ANXA11: variants seen among roughly 807,000 people sequenced by gnomAD.
ANXA11 encodes 56 kDa autoantigen.
In ANXA11, 57 loss-of-function variants were observed where a neutral mutation model predicts 64.7. The observed-to-expected ratio is 0.88, with a 90% CI of 0.71 to 1.10. The LOEUF is 1.10. ANXA11 is among the 50% of genes least tolerant of loss of function. The probability of loss-of-function intolerance (pLI) is 0.00; values close to 1 mark genes in which losing one functional copy is unlikely to be tolerated. For missense variants in ANXA11, 675 were observed against 670.7 expected, an observed-to-expected ratio of 1.01 and a Z score of -0.07; for synonymous variants, 260 against 265.2, an observed-to-expected ratio of 0.98 and a Z score of 0.19.
At chr10:80,164,569 A>T (rs988003573) in intron 8 of ANXA11, among the ~76,000 whole-genome samples, 4 of 152,222 alleles carry the variant, frequency 2.6e-5, no homozygotes, top group Non-Finnish European at 5.9e-5. Context: ...CTGGTCCTAG[A>T]GGGGATGGTG....
intron 1 of ANXA11, among the ~76,000 whole-genome samples, chr10:80,199,694 T>C (rs1041587144): frequency 3.3e-5 from 5 of 152,084 alleles, no homozygotes; most frequent in African/African-American, 1.2e-4. Flanking sequence ...TGAAAAAATA[T>C]GTAAAATTTA....
At chr10:80,157,457 GATCC>G (rs1564597297) in intron 15 of ANXA11, 180 bp downstream of exon 15, 1 of 985,286 alleles carries the variant, frequency 1.0e-6, no homozygotes, top group Non-Finnish European at 1.2e-6. Context: ...GCAAGGTCAT[GATCC>G]ACCTGCCCTC....
rs76806315 is a variant in ANXA11, at chr10:80,163,601, G to T, written c.962C>A (p.Thr321Asn). 475 of 1,554,962 alleles carry T rather than the reference G, an allele frequency of 3.1e-4. 3 individuals are homozygous for T. The East Asian group carries it at 6.0e-3, about 20-fold the overall frequency. Reference sequence around the variant, plus strand: ...GTCGCTTCGAATGGCCTCTTCCAGGGTCTTTTTGAATTCTGAAAGGGAGAA... The same window carrying T: ...GTCGCTTCGAATGGCCTCTTCCAGGTTCTTTTTGAATTCTGAAAGGGAGAA... ...NRAYKAEFKK[T>N]LEEAIRSDTS... Residue 321 changes from threonine (T) to asparagine (N), a missense_variant, in exon 10 of 16, where the codon ACC becomes AAC. Physicochemically the swap from Thr to Asn is moderately conservative, Grantham distance 65. Transcript: ENST00000422982.
chr10:80,176,864 G>C (rs1305440223), intron 1 of ANXA11, among the ~76,000 whole-genome samples: 1 of 152,104 alleles, frequency 6.6e-6, no homozygotes, highest in Non-Finnish European at 1.5e-5. Flanking sequence ...GTGGTCCTGC[G>C]ACCCTGGGTC....
intron 13 of ANXA11, among the ~76,000 whole-genome samples, chr10:80,158,566 A>C (rs1199158639): frequency 6.6e-6 from 1 of 152,168 alleles, no homozygotes; most frequent in Admixed American, 6.5e-5. Flanking sequence ...AAGTGAGTAG[A>C]AAGAGGGGTT....
chr10:80,166,048 A>ACG (rs752511424), intron 8 of ANXA11, 36 bp downstream of exon 8: 51 of 375,186 alleles, frequency 1.4e-4, no homozygotes, highest in African/African-American at 9.5e-4. Flanking sequence ...GCGCGCACAC[A>ACG]CACACACACA....
intron 1 of ANXA11, among the ~76,000 whole-genome samples, chr10:80,183,931 T>G (rs999553683): frequency 1.3e-5 from 2 of 152,188 alleles, no homozygotes; most frequent in African/African-American, 4.8e-5. Flanking sequence ...CAGGGGACCA[T>G]GTACCTAACT....
At chr10:80,165,981 C>T (rs1405990609) in intron 8 of ANXA11, 103 bp downstream of exon 8, 2 of 690,086 alleles carry the variant, frequency 2.9e-6, no homozygotes, top group Non-Finnish European at 4.8e-6. Flanking sequence ...ACACAGCACG[C>T]CATCCAGGCC....
At chr10:80,194,526 G>T (rs568367323) in intron 1 of ANXA11, among the ~76,000 whole-genome samples, 1 of 22,734 alleles carries the variant, frequency 4.4e-5, no homozygotes, top group African/African-American at 5.5e-4. Context: ...GGAAGAGTCG[G>T]GGGGGGAAGA....
intron 1 of ANXA11, among the ~76,000 whole-genome samples, chr10:80,192,424 G>A (rs1564625166): frequency 6.6e-6 from 1 of 152,066 alleles, no homozygotes; most frequent in East Asian, 1.9e-4. Context: ...AACAGACAAC[G>A]ATGAGAAGTA....
rs545615814 is a variant in ANXA11, at chr10:80,158,620, G to C, written c.1276+480C>G. On this transcript the variant is annotated intron_variant, in intron 13 of 15. Transcript: ENST00000422982. ...GGACCCAACTCTGCACAGTGGGAGGGCCCTGCTAGAGGACATGGGCAATGT... is the reference window on the plus strand; with the variant it reads ...GGACCCAACTCTGCACAGTGGGAGGCCCCTGCTAGAGGACATGGGCAATGT... Among the ~76,000 whole-genome samples, 21 of 152,310 alleles carry C rather than the reference G, an allele frequency of 1.4e-4. No individual in the cohort carries two copies. The East Asian group carries it at 4.1e-3, about 29-fold the overall frequency.
At chr10:80,163,213 G>T in intron 11 of ANXA11, 136 bp downstream of exon 11, 1 of 922,578 alleles carries the variant, frequency 1.1e-6, no homozygotes, top group Non-Finnish European at 1.7e-6. Flanking sequence ...ACAGTTCAGC[G>T]CGTCTGAAAC....
Position 80,155,304 on chromosome 10 carries a change from T to C in ANXA11, c.*549A>G, listed in dbSNP as rs531182110. 1 of 152,782 alleles carries C rather than the reference T, an allele frequency of 6.5e-6. No individual in the cohort carries two copies. Among genetic ancestry groups the C allele is most frequent in the African/African-American group, 2.4e-5 (1 of 41,544 alleles). 9.5% of individuals were successfully genotyped at this position (152,782 alleles called of 1,614,324 possible). A position where few individuals can be genotyped will look rare whatever the true frequency, so the allele number is the denominator to read the frequency against. On this transcript the variant is annotated 3_prime_UTR_variant, in exon 16 of 16. Transcript: ENST00000422982. ...GAAGGAATGACTTTCTGGCCCTTTTTTTTTGTTTTTTCTAAAAAGGAGTGA... is the reference window on the plus strand; with the variant it reads ...GAAGGAATGACTTTCTGGCCCTTTTCTTTTGTTTTTTCTAAAAAGGAGTGA...
Position 80,163,523 on chromosome 10 carries a change from G to A in ANXA11, c.1029+11C>T, listed in dbSNP as rs1454977167. 1 of 1,589,224 alleles carries A rather than the reference G, an allele frequency of 6.3e-7. No homozygotes were observed. The highest frequency in any genetic ancestry group is 2.3e-5 in the East Asian group (1 of 43,848). On this transcript the variant is annotated intron_variant, in intron 10 of 15. Coordinates refer to ENST00000422982, the MANE Select transcript of ANXA11 (RefSeq NM_145868.2). The stretch of plus-strand genomic sequence containing the variant: ...GCTTGGGGGCCCCGAGCCCTGTCGT[G>A]GGAAAAGTACCTGAGAGAGAGAGAT...
At chr10:80,203,609 C>T (rs1433253057) in intron 1 of ANXA11, among the ~76,000 whole-genome samples, 3 of 152,156 alleles carry the variant, frequency 2.0e-5, no homozygotes, top group African/African-American at 7.2e-5. Context: ...AGAAACAGCC[C>T]CCACCCTCCA....
chr10:80,179,247 C>T (rs144332549), intron 1 of ANXA11, among the ~76,000 whole-genome samples: 72 of 152,202 alleles, frequency 4.7e-4, no homozygotes, highest in African/African-American at 1.7e-3. Flanking sequence ...ATCTGCCTGC[C>T]ACATGATTGT....
rs774692852 is a variant in ANXA11 at position 80,167,264 on chromosome 10, C to T, written c.611G>A (p.Arg204Gln). 7 of 1,614,050 alleles carry T rather than the reference C, an allele frequency of 4.3e-6. No individual in the cohort carries two copies. The highest frequency in any genetic ancestry group is 1.7e-5 in the Admixed American group (1 of 60,006). ...ITDAPGFDPL[R>Q]DAEVLRKAMK... ...GGCCTTCCGCAGGACCTCGGCATCT[C>T]GCAGGGGGTCAAAGCCGGGAGCATC... The change falls in exon 6 of 16, where the codon CGA becomes CAA. Residue 204 changes from arginine (R) to glutamine (Q), a missense_variant. Coordinates refer to ENST00000422982, the MANE Select transcript of ANXA11 (RefSeq NM_145868.2).
intron 1 of ANXA11, among the ~76,000 whole-genome samples, chr10:80,184,634 CTAAGT>C (rs1254881690): frequency 6.6e-6 from 1 of 152,128 alleles, no homozygotes; most frequent in Non-Finnish European, 1.5e-5. Context: ...AGCTGGGACT[CTAAGT>C]TGAGATCAGG....
intron 2 of ANXA11, 23 bp from the exon 3 acceptor site, chr10:80,172,892 A>T (rs772221499): frequency 6.2e-7 from 1 of 1,611,426 alleles, no homozygotes. Context: ...ACGAAAGCAC[A>T]TTCAGGCTCT....
Sources: gnomAD v4.1 joint callset for allele counts (sites outside exome capture counted in the v4.1 genomes callset) on GRCh38, gnomAD v4.1.1 for gene constraint, MANE v1.5 for transcripts, NCBI Gene and HGNC (gene_info 2026-07-23, HGNC 2026-07-21) for gene names.